The following PUM2 variants were observed in gnomAD, a reference collection of about 807,000 sequenced individuals.
The protein encoded by PUM2 is pumilio homolog 2.
A neutral mutation model predicts 124.5 loss-of-function variants in PUM2; 57 were observed. The observed-to-expected ratio is 0.46, with a 90% CI of 0.37 to 0.57. The LOEUF (loss-of-function observed/expected upper bound fraction) is 0.57. PUM2 is among the 20% of genes least tolerant of loss of function. PUM2 has a pLI of 0.00. For missense variants in PUM2, 1,065 were observed against 1,290.6 expected (o/e 0.83, Z 2.68); for synonymous variants, 460 against 446.1 (o/e 1.03, Z -0.39).
intron 1 of PUM2, among the ~76,000 whole-genome samples, chr2:20,346,273 T>G (rs1160213834): frequency 6.6e-6 from 1 of 152,224 alleles, no homozygotes; most frequent in African/African-American, 2.4e-5. Flanking sequence ...GTAATCATGC[T>G]AAAACTACCG....
At chr2:20,346,919 T>C (rs1204393157) in intron 1 of PUM2, among the ~76,000 whole-genome samples, 1 of 152,208 alleles carries the variant, frequency 6.6e-6, no homozygotes, top group Non-Finnish European at 1.5e-5. Flanking sequence ...TACCTTTTTT[T>C]TCCTGTCCCA....
chr2:20,272,834 T>C (rs1339797953), intron 13 of PUM2, among the ~76,000 whole-genome samples: 1 of 152,222 alleles, frequency 6.6e-6, no homozygotes, highest in Non-Finnish European at 1.5e-5. Context: ...TCCATCAGCA[T>C]TTTATAGTTT....
In PUM2 at chr2:20,249,882, T is replaced by A. The variant is rs992616512; in HGVS notation, c.*1703A>T. ...ATAGGCAAAGGATTAAAAACGATTT[T>A]AATTATACACATATGGTCACAATTT... On this transcript the variant is annotated 3_prime_UTR_variant, in exon 21 of 21. Transcript: ENST00000361078. 3 of 152,672 alleles carry A rather than the reference T, an allele frequency of 2.0e-5. No individual in the cohort carries two copies. Among genetic ancestry groups the A allele is most frequent in the African/African-American group, 7.2e-5 (3 of 41,462 alleles). The allele number at this position is 152,672 out of a possible 1,614,324, so 9.5% of individuals were successfully genotyped here. A position where few individuals can be genotyped will look rare whatever the true frequency, so the allele number is the denominator to read the frequency against.
intron 10 of PUM2, among the ~76,000 whole-genome samples, chr2:20,284,937 A>T (rs1672381558): frequency 6.6e-6 from 1 of 152,252 alleles, no homozygotes; most frequent in Admixed American, 6.5e-5. Flanking sequence ...AGTAAATTTC[A>T]AACTGTACAT....
At chr2:20,325,745 C>T (rs1279526846) in intron 2 of PUM2, among the ~76,000 whole-genome samples, 2 of 152,086 alleles carry the variant, frequency 1.3e-5, no homozygotes, top group Non-Finnish European at 2.9e-5. Context: ...CCTCAGCCTC[C>T]CGAGTAGCTG....
At chr2:20,297,126 T>C (rs1456430106) in intron 8 of PUM2, among the ~76,000 whole-genome samples, 2 of 152,234 alleles carry the variant, frequency 1.3e-5, no homozygotes, top group Non-Finnish European at 2.9e-5. Context: ...CAAGAAATTT[T>C]AGATACATAT....
rs996885867 is a variant in PUM2 at position 20,268,599 on chromosome 2, T to C, written c.1958-5139A>G. 1.2e-3 allele frequency among the ~76,000 whole-genome samples: 181 copies of C among 152,136 alleles called. 2 individuals are homozygous for C. The highest frequency in any genetic ancestry group is 3.3e-3 in the African/African-American group (139 of 41,500). On this transcript the variant is annotated intron_variant, in intron 13 of 20. Transcript: ENST00000361078. ...CACCACTGCACTCTAGCTTGGGCAA[T>C]AGAGCAAGACCCTGTCTAAACAAAC...
intron 10 of PUM2, among the ~76,000 whole-genome samples, chr2:20,287,959 A>G (rs1389444607): frequency 1.3e-5 from 2 of 152,246 alleles, no homozygotes; most frequent in Admixed American, 6.5e-5. Flanking sequence ...AATGTCTGGT[A>G]TAAGGACAGA....
intron 20 of PUM2, among the ~76,000 whole-genome samples, chr2:20,253,091 T>TC (rs1243820866): frequency 6.6e-6 from 1 of 151,942 alleles, no homozygotes; most frequent in African/African-American, 2.4e-5. Context: ...CTGCAACCAA[T>TC]CCCCCAGTTA....
chr2:20,321,801 A>G (rs1255516420), intron 2 of PUM2, among the ~76,000 whole-genome samples: 5 of 152,162 alleles, frequency 3.3e-5, no homozygotes, highest in African/African-American at 4.8e-5. Flanking sequence ...ATACCACTTC[A>G]TATTAGTTCC....
chr2:20,317,717 C>T (rs1269656027), intron 3 of PUM2, among the ~76,000 whole-genome samples: 1 of 152,070 alleles, frequency 6.6e-6, no homozygotes, highest in Non-Finnish European at 1.5e-5. Context: ...ACCCTCTACC[C>T]TCAAGGAGGC....
intron 1 of PUM2, among the ~76,000 whole-genome samples, chr2:20,343,651 C>T (rs1687654948): frequency 6.6e-6 from 1 of 152,150 alleles, no homozygotes; most frequent in African/African-American, 2.4e-5. Flanking sequence ...CCTATAATCC[C>T]AGCACTTTAG....
At chr2:20,311,721 C>T in intron 4 of PUM2, 58 bp from the exon 5 acceptor site, 1 of 1,528,052 alleles carries the variant, frequency 6.5e-7, no homozygotes, top group Non-Finnish European at 8.9e-7. Context: ...AAAAAAGGCA[C>T]CATAAGGTGA....
At chr2:20,331,133 A>T (rs1684821557) in intron 1 of PUM2, among the ~76,000 whole-genome samples, 1 of 148,650 alleles carries the variant, frequency 6.7e-6, no homozygotes, top group Non-Finnish European at 1.5e-5. Context: ...GGGGAGAGGA[A>T]AAAAAAAAAA....
Position 20,265,464 on chromosome 2 carries a change from T to C in PUM2, c.1958-2004A>G, listed in dbSNP as rs147280724. ...ACGTATTTCTAACTGTTCGTAACAA[T>C]AATTGATCACTAGCCCATCTGATTC... On this transcript the variant is annotated intron_variant, in intron 13 of 20. Transcript: ENST00000361078. Among the ~76,000 whole-genome samples, 6 of 152,236 alleles carry C rather than the reference T, an allele frequency of 3.9e-5. No homozygotes were observed. The East Asian group carries it at 5.8e-4, about 15-fold the overall frequency.
intron 1 of PUM2, chr2:20,350,396 C>A (rs1015959637): frequency 3.5e-5 from 30 of 852,648 alleles, no homozygotes; most frequent in Non-Finnish European, 4.1e-5. Context: ...CCCCCTCCCC[C>A]GCACGCGCAC....
intron 1 of PUM2, among the ~76,000 whole-genome samples, chr2:20,349,765 C>T (rs1275870450): frequency 6.6e-6 from 1 of 152,168 alleles, no homozygotes; most frequent in Non-Finnish European, 1.5e-5. Context: ...GTTTTCTCAA[C>T]AAGTAAAAAT....
intron 3 of PUM2, among the ~76,000 whole-genome samples, chr2:20,314,167 TAAC>T: frequency 6.6e-6 from 1 of 152,086 alleles, no homozygotes; most frequent in Non-Finnish European, 1.5e-5. Flanking sequence ...TAAATTAAAA[TAAC>T]AATAAAATAA....
At chr2:20,328,122 T>G (rs1684103308) in intron 1 of PUM2, among the ~76,000 whole-genome samples, 1 of 152,034 alleles carries the variant, frequency 6.6e-6, no homozygotes, top group South Asian at 2.1e-4. Flanking sequence ...TCACTTGAGG[T>G]CAAGAGTTTG....
Sources: gnomAD v4.1 joint callset for allele counts (sites outside exome capture counted in the v4.1 genomes callset) on GRCh38, gnomAD v4.1.1 for gene constraint, MANE v1.5 for transcripts, NCBI Gene and HGNC (gene_info 2026-07-23, HGNC 2026-07-21) for gene names.